Variants in ANO5 observed in about 807,000 individuals in gnomAD.
ANO5 encodes anoctamin 5, also known as anoctamin-5.
A neutral mutation model predicts 121.0 loss-of-function variants in ANO5; 109 were observed. The ratio of observed to expected loss-of-function variants is 0.90; its 90% CI spans 0.77 to 1.06. The LOEUF (loss-of-function observed/expected upper bound fraction) is 1.06, where lower values mean the gene tolerates loss of function less well. Ranked by LOEUF, ANO5 falls within the 50% of genes least tolerant of loss-of-function variation. The probability of loss-of-function intolerance (pLI) is 0.00; values close to 1 mark genes in which losing one functional copy is unlikely to be tolerated. For synonymous variants in ANO5, 406 were observed against 359.9 expected (o/e 1.13, Z -1.45); for missense variants, 1,064 against 1,078.5 (o/e 0.99, Z 0.19).
At chr11:22,257,376 C>A (rs544088273) in intron 13 of ANO5, among the ~76,000 whole-genome samples, 2 of 152,086 alleles carry the variant, frequency 1.3e-5, no homozygotes, top group South Asian at 2.1e-4. Flanking sequence ...TAGGCAGCAA[C>A]CTTCATTATT....
intron 7 of ANO5, 78 bp downstream of exon 7, chr11:22,227,664 T>A: frequency 1.3e-6 from 2 of 1,539,314 alleles, no homozygotes; most frequent in South Asian, 1.1e-5. Context: ...CATGTGCAGA[T>A]GTCGTACCAT....
At chr11:22,209,476 A>G (rs1271015478) in intron 2 of ANO5, among the ~76,000 whole-genome samples, 1 of 151,886 alleles carries the variant, frequency 6.6e-6, no homozygotes, top group African/African-American at 2.4e-5. Context: ...ATAATTGAAG[A>G]AAAAGGTTAT....
intron 2 of ANO5, among the ~76,000 whole-genome samples, chr11:22,206,511 A>G (rs1852126354): frequency 1.3e-5 from 2 of 151,968 alleles, no homozygotes; most frequent in African/African-American, 2.4e-5. Flanking sequence ...TGGGGGCTTC[A>G]CCACGTTGGT....
chr11:22,198,292 A>G (rs2133495031), intron 1 of ANO5, among the ~76,000 whole-genome samples: 1 of 152,316 alleles, frequency 6.6e-6, no homozygotes, highest in South Asian at 2.1e-4. Context: ...AGGCCAATCC[A>G]GGGGACAGTT....
At chr11:22,203,516 A>G (rs572534576) in intron 1 of ANO5, among the ~76,000 whole-genome samples, 1 of 152,268 alleles carries the variant, frequency 6.6e-6, no homozygotes, top group Admixed American at 6.5e-5. Context: ...TTGTGGTTAT[A>G]GGTTGATAAC....
At chr11:22,220,907 A>T (rs941594345) in intron 4 of ANO5, among the ~76,000 whole-genome samples, 190 bp from the exon 5 acceptor site, 2 of 151,950 alleles carry the variant, frequency 1.3e-5, no homozygotes, top group Non-Finnish European at 2.9e-5. Context: ...TAACATGCTT[A>T]TCTTCCTCCT....
intron 7 of ANO5, among the ~76,000 whole-genome samples, chr11:22,230,561 A>G (rs955503796): frequency 1.3e-5 from 2 of 152,118 alleles, no homozygotes; most frequent in South Asian, 4.1e-4. Flanking sequence ...TGTTTAAAAA[A>G]TTTCAGATTC....
intron 21 of ANO5, among the ~76,000 whole-genome samples, chr11:22,277,072 C>A (rs894982809): frequency 1.3e-5 from 2 of 151,492 alleles, no homozygotes; most frequent in African/African-American, 4.8e-5. Flanking sequence ...TTAACTCATT[C>A]TTCTAGTAGT....
At chr11:22,224,336 C>T (rs941499574) in intron 5 of ANO5, among the ~76,000 whole-genome samples, 1 of 152,028 alleles carries the variant, frequency 6.6e-6, no homozygotes, top group African/African-American at 2.4e-5. Flanking sequence ...AATGACTGTT[C>T]TGTATCTCAT....
At chr11:22,197,047 C>A (rs967530893) in intron 1 of ANO5, among the ~76,000 whole-genome samples, 1 of 152,070 alleles carries the variant, frequency 6.6e-6, no homozygotes, top group Non-Finnish European at 1.5e-5. Flanking sequence ...TATAGGTAAG[C>A]CTTGATTTTG....
chr11:22,221,037 G>C, intron 4 of ANO5, 60 bp from the exon 5 acceptor site: 4 of 1,220,700 alleles, frequency 3.3e-6, no homozygotes, highest in Non-Finnish European at 4.8e-6. Flanking sequence ...TTCCTTTTGT[G>C]CTTTTGCCAT....
At chr11:22,218,010 T>C (rs1310146308) in intron 3 of ANO5, among the ~76,000 whole-genome samples, 1 of 151,986 alleles carries the variant, frequency 6.6e-6, no homozygotes, top group Non-Finnish European at 1.5e-5. Context: ...TTAAAGAATT[T>C]AGGAAAATTT....
intron 9 of ANO5, among the ~76,000 whole-genome samples, chr11:22,247,987 A>G (rs923450457): frequency 1.3e-5 from 2 of 152,158 alleles, no homozygotes; most frequent in Admixed American, 1.3e-4. Flanking sequence ...TGTGTGGTAC[A>G]GATAATGTTA....
In ANO5 at chr11:22,257,380, C is replaced by T. The variant is rs530766107; in HGVS notation, c.1333-300C>T. ...TCATGTCTACCTAGGCAGCAACCTT[C>T]ATTATTCATTATTTGACTTTATTTA... On this transcript the variant is annotated intron_variant, in intron 13 of 21. Transcript: ENST00000324559. Among the ~76,000 whole-genome samples, 85 of 152,278 alleles carry T rather than the reference C, an allele frequency of 5.6e-4. 2 individuals are homozygous for T. In the South Asian group the frequency reaches 0.017, roughly 31 times the overall value.
At chr11:22,206,996 A>G (rs975712224) in intron 2 of ANO5, among the ~76,000 whole-genome samples, 9 of 152,114 alleles carry the variant, frequency 5.9e-5, no homozygotes, top group African/African-American at 2.2e-4. Context: ...CGATGTACAT[A>G]GAAAATCCCA....
intron 5 of ANO5, 123 bp from the exon 6 acceptor site, chr11:22,225,861 A>G (rs536164637): frequency 3.0e-5 from 21 of 705,270 alleles, no homozygotes; most frequent in Admixed American, 7.6e-5. Flanking sequence ...GCATTTTTAT[A>G]TACAACCATG....
chr11:22,273,528 A>T (rs1488553891), intron 19 of ANO5, among the ~76,000 whole-genome samples: 1 of 152,148 alleles, frequency 6.6e-6, no homozygotes, highest in Admixed American at 6.5e-5. Context: ...TTTAAATGAA[A>T]GCCTGTAGGA....
At chr11:22,202,902 A>G (rs1207065262) in intron 1 of ANO5, among the ~76,000 whole-genome samples, 1 of 152,178 alleles carries the variant, frequency 6.6e-6, no homozygotes, top group African/African-American at 2.4e-5. Context: ...TCTCTAGATC[A>G]TTAACTAATT....
intron 19 of ANO5, among the ~76,000 whole-genome samples, chr11:22,274,007 T>TAA (rs1854734772): frequency 6.6e-6 from 1 of 152,048 alleles, no homozygotes; most frequent in African/African-American, 2.4e-5. Flanking sequence ...TTATCTAATC[T>TAA]AAAAGAAATA....
Sources: allele counts gnomAD v4.1 joint callset (sites outside exome capture counted in the v4.1 genomes callset), GRCh38; gene constraint gnomAD v4.1.1; transcripts MANE v1.5; gene names NCBI Gene and HGNC (gene_info 2026-07-23, HGNC 2026-07-21).